The following ENTREP2 variants were observed in gnomAD, a reference collection of about 807,000 sequenced individuals.
ENTREP2 encodes the protein endosomal transmembrane epsin interactor 2.
chr15:29,478,173 C>G, the ENTREP2 span, among the ~76,000 whole-genome samples: 1 of 151,002 alleles, frequency 6.6e-6, no homozygotes, highest in Non-Finnish European at 1.5e-5. Flanking sequence ...TACAGGCGCC[C>G]GTCACCACGC....
the ENTREP2 span, among the ~76,000 whole-genome samples, chr15:29,461,233 T>C: frequency 6.6e-6 from 1 of 152,188 alleles, no homozygotes; most frequent in Non-Finnish European, 1.5e-5. Flanking sequence ...ATTTTATAAA[T>C]GCCAAGTTTA....
chr15:29,362,286 G>A, the ENTREP2 span, among the ~76,000 whole-genome samples: 1 of 150,528 alleles, frequency 6.6e-6, no homozygotes, highest in African/African-American at 2.4e-5. Context: ...GTTTCCAGGT[G>A]AATTCAAGAT....
the ENTREP2 span, among the ~76,000 whole-genome samples, chr15:29,433,365 C>A: frequency 1.3e-5 from 2 of 152,212 alleles, no homozygotes; most frequent in Non-Finnish European, 2.9e-5. Context: ...TTGCTCCTTT[C>A]CTTTTTGAAC....
chr15:29,413,497 A>G, the ENTREP2 span, among the ~76,000 whole-genome samples: 1 of 152,298 alleles, frequency 6.6e-6, no homozygotes, highest in East Asian at 1.9e-4. Context: ...AGGCTTTTTG[A>G]CTGAAAGTCG....
chr15:29,355,594 T>C, the ENTREP2 span, among the ~76,000 whole-genome samples: 1 of 151,982 alleles, frequency 6.6e-6, no homozygotes, highest in Admixed American at 6.6e-5. Flanking sequence ...CCAGAACAAA[T>C]CATTCTGTTC....
the ENTREP2 span, among the ~76,000 whole-genome samples, chr15:29,237,288 T>C: frequency 3.9e-5 from 6 of 152,238 alleles, no homozygotes; most frequent in Non-Finnish European, 8.8e-5. Context: ...TCTCCCTGTC[T>C]GTAGCTTGTC....
chr15:29,295,335 C>T, the ENTREP2 span, among the ~76,000 whole-genome samples: 6 of 152,164 alleles, frequency 3.9e-5, no homozygotes, highest in Non-Finnish European at 5.9e-5. Flanking sequence ...ACCTCTTTCC[C>T]ACTTGGTGTC....
chr15:29,275,767 A>C, the ENTREP2 span, among the ~76,000 whole-genome samples: 1 of 152,238 alleles, frequency 6.6e-6, no homozygotes, highest in Admixed American at 6.5e-5. Flanking sequence ...CTTGTGAATC[A>C]GAAAAAGGCT....
the ENTREP2 span, among the ~76,000 whole-genome samples, chr15:29,283,967 TC>T: frequency 6.6e-6 from 1 of 151,930 alleles, no homozygotes; most frequent in South Asian, 2.1e-4. Flanking sequence ...GAAAGACGTA[TC>T]CCACAGCACA....
chr15:29,389,128 A>G, the ENTREP2 span, among the ~76,000 whole-genome samples: 1 of 151,784 alleles, frequency 6.6e-6, no homozygotes, highest in Non-Finnish European at 1.5e-5. Context: ...AAAAACAATA[A>G]TAATAATTAA....
the ENTREP2 span, among the ~76,000 whole-genome samples, chr15:29,597,307 G>A: frequency 3.5e-3 from 534 of 152,206 alleles, 1 homozygote; most frequent in Non-Finnish European, 4.8e-3. Flanking sequence ...GGTGGCTCAT[G>A]CCTGTAATCC....
chr15:29,432,816 G>A, the ENTREP2 span, among the ~76,000 whole-genome samples: 7 of 152,032 alleles, frequency 4.6e-5, no homozygotes, highest in African/African-American at 1.7e-4. Flanking sequence ...GCTGTGAGGA[G>A]CCCTCAGCTC....
the ENTREP2 span, among the ~76,000 whole-genome samples, chr15:29,658,144 G>A: frequency 6.6e-6 from 1 of 152,186 alleles, no homozygotes; most frequent in African/African-American, 2.4e-5. Context: ...GGACCAGGTG[G>A]AGATAATTGA....
chr15:29,297,194 G>A, the ENTREP2 span, among the ~76,000 whole-genome samples: 180 of 152,182 alleles, frequency 1.2e-3, no homozygotes, highest in African/African-American at 4.2e-3. Context: ...TCCAGCATAC[G>A]CTCAAAACTT....
chr15:29,525,305 T>A, the ENTREP2 span, among the ~76,000 whole-genome samples: 1 of 152,248 alleles, frequency 6.6e-6, no homozygotes, highest in Non-Finnish European at 1.5e-5. Context: ...TACAGGAATG[T>A]TCACAGCAGC....
the ENTREP2 span, among the ~76,000 whole-genome samples, chr15:29,119,755 A>G: frequency 6.6e-6 from 1 of 150,876 alleles, no homozygotes; most frequent in Non-Finnish European, 1.5e-5. Context: ...AGGGATGGCC[A>G]CATCCTTGGG....
At chr15:29,534,875 T>G in the ENTREP2 span, among the ~76,000 whole-genome samples, 1 of 152,226 alleles carries the variant, frequency 6.6e-6, no homozygotes, top group Admixed American at 6.5e-5. Flanking sequence ...ACTGATGGAC[T>G]GATAAGTGAA....
the ENTREP2 span, among the ~76,000 whole-genome samples, chr15:29,422,960 T>C: frequency 6.6e-6 from 1 of 152,176 alleles, no homozygotes; most frequent in Admixed American, 6.5e-5. Flanking sequence ...AATGTATAAT[T>C]TCGGGATAGG....
chr15:29,259,852 A>G, the ENTREP2 span, among the ~76,000 whole-genome samples: 4 of 151,598 alleles, frequency 2.6e-5, no homozygotes, highest in East Asian at 7.7e-4. Context: ...TTATTAAAAA[A>G]TCAAAACAAA....
Sources: gnomAD v4.1 joint callset for allele counts (sites outside exome capture counted in the v4.1 genomes callset) on GRCh38, gnomAD v4.1.1 for gene constraint, MANE v1.5 for transcripts, NCBI Gene and HGNC (gene_info 2026-07-23, HGNC 2026-07-21) for gene names.